The following MECOM variants were observed in gnomAD, a reference collection of about 807,000 sequenced individuals.
The protein encoded by MECOM is MDS1 and EVI1 complex locus.
A neutral mutation model predicts 116.3 loss-of-function variants in MECOM; 13 were observed. The ratio of observed to expected loss-of-function variants is 0.11; its 90% CI spans 0.07 to 0.18. The LOEUF is 0.18. Among genes scored for constraint, MECOM ranks in the 10% least tolerant of loss-of-function variants. The pLI is 1.00. For synonymous variants in MECOM, 528 were observed against 535.2 expected (o/e 0.99, Z 0.19); for missense variants, 1,299 against 1,509.0 (o/e 0.86, Z 2.31).
chr3:169,183,596 G>A (rs1225692930), intron 2 of MECOM, among the ~76,000 whole-genome samples: 4 of 151,982 alleles, frequency 2.6e-5, no homozygotes, highest in African/African-American at 4.8e-5. Flanking sequence ...AGGAGCCAGA[G>A]GTCATATGAA....
intron 2 of MECOM, among the ~76,000 whole-genome samples, chr3:169,258,263 A>G (rs911440976): frequency 6.6e-6 from 1 of 152,128 alleles, no homozygotes; most frequent in Non-Finnish European, 1.5e-5. Context: ...ATTCCAGAAA[A>G]TGTATGACAA....
chr3:169,554,843 A>C (rs79382647), intron 1 of MECOM, among the ~76,000 whole-genome samples: 1 of 151,996 alleles, frequency 6.6e-6, no homozygotes, highest in Admixed American at 6.6e-5. Context: ...AGGAGGTAAT[A>C]GGGGGTTGGG....
At chr3:169,643,956 T>C (rs1387014778) in intron 1 of MECOM, among the ~76,000 whole-genome samples, 2 of 152,148 alleles carry the variant, frequency 1.3e-5, no homozygotes, top group African/African-American at 4.8e-5. Context: ...AGCTAAGAAA[T>C]AGGTAAGCCA....
At chr3:169,163,897 T>A (rs1743199460) in intron 2 of MECOM, among the ~76,000 whole-genome samples, 2 of 152,250 alleles carry the variant, frequency 1.3e-5, no homozygotes, top group East Asian at 3.9e-4. Flanking sequence ...CTGGGGGTAT[T>A]TTCAAGACCA....
intron 7 of MECOM, 63 bp downstream of exon 7, chr3:169,120,993 G>T: frequency 6.5e-7 from 1 of 1,527,608 alleles, no homozygotes; most frequent in South Asian, 1.3e-5. Context: ...CACTCTCCTG[G>T]TCACAGTGCC....
At chr3:169,488,453 G>A (rs1266404778) in intron 1 of MECOM, among the ~76,000 whole-genome samples, 7 of 151,718 alleles carry the variant, frequency 4.6e-5, no homozygotes, top group African/African-American at 1.7e-4. Context: ...GGCTGAGGCA[G>A]GAGAATCACT....
intron 2 of MECOM, among the ~76,000 whole-genome samples, chr3:169,277,683 G>A (rs960938365): frequency 6.6e-6 from 1 of 152,148 alleles, no homozygotes. Flanking sequence ...TTTGAAGACA[G>A]GCAAGAGATC....
At chr3:169,142,041 A>G (rs1738258684) in intron 3 of MECOM, among the ~76,000 whole-genome samples, 1 of 151,996 alleles carries the variant, frequency 6.6e-6, no homozygotes, top group Admixed American at 6.5e-5. Context: ...TTCAAAAGCA[A>G]CTATGGTAAA....
At chr3:169,301,398 C>G (rs1471062320) in intron 2 of MECOM, among the ~76,000 whole-genome samples, 3 of 152,112 alleles carry the variant, frequency 2.0e-5, no homozygotes, top group African/African-American at 7.2e-5. Flanking sequence ...GAAAATATGT[C>G]TTTTATTTTT....
chr3:169,338,467 C>A (rs1175005693), intron 2 of MECOM, among the ~76,000 whole-genome samples: 1 of 152,124 alleles, frequency 6.6e-6, no homozygotes, highest in African/African-American at 2.4e-5. Flanking sequence ...AGGCACCTCA[C>A]AGAAACCCAC....
intron 1 of MECOM, among the ~76,000 whole-genome samples, chr3:169,444,055 A>T (rs1412158434): frequency 6.6e-6 from 1 of 152,222 alleles, no homozygotes; most frequent in Non-Finnish European, 1.5e-5. Flanking sequence ...CTGATAGCAG[A>T]TAACTTTGGA....
rs187558041 is a variant in MECOM at position 169,434,334 on chromosome 3, T to G, written c.38-52810A>C. Among the ~76,000 whole-genome samples the G allele has an allele frequency of 1.8e-4, 27 of 152,304 alleles. 1 individual carries two copies. The highest frequency in any genetic ancestry group is 1.8e-3 in the Admixed American group (27 of 15,286). ...AAACAAATTAGCTACTCTCCTTGGGTGCCTACCAGAAATAATAGTAACAAG... is the reference window on the plus strand; with the variant it reads ...AAACAAATTAGCTACTCTCCTTGGGGGCCTACCAGAAATAATAGTAACAAG... On this transcript the variant is annotated intron_variant, in intron 1 of 16. Coordinates refer to ENST00000651503, the MANE Select transcript of MECOM (RefSeq NM_004991.4).
chr3:169,418,782 CCAATATCATACTGA>C (rs774831441), intron 1 of MECOM, among the ~76,000 whole-genome samples: 17,428 of 152,038 alleles, frequency 0.11, 1,229 homozygotes, highest in East Asian at 0.3. Context: ...AAACCCACAG[CCAATATCATACTGA>C]ATTGGCAAAA....
chr3:169,335,451 T>C (rs1353428731), intron 2 of MECOM, among the ~76,000 whole-genome samples: 1 of 152,176 alleles, frequency 6.6e-6, no homozygotes, highest in Non-Finnish European at 1.5e-5. Context: ...TCCTTCAGCA[T>C]GTCAAAAATT....
chr3:169,237,728 A>G (rs1213667562), intron 2 of MECOM, among the ~76,000 whole-genome samples: 3 of 152,126 alleles, frequency 2.0e-5, no homozygotes, highest in Non-Finnish European at 4.4e-5. Context: ...TGAACACCAG[A>G]GCAAAAATCT....
At chr3:169,633,446 G>C (rs1044255247) in intron 1 of MECOM, among the ~76,000 whole-genome samples, 2 of 152,174 alleles carry the variant, frequency 1.3e-5, no homozygotes, top group Non-Finnish European at 2.9e-5. Flanking sequence ...TTAGAAGGAA[G>C]AAAAATGCTG....
chr3:169,595,795 G>A (rs775334033), intron 1 of MECOM, among the ~76,000 whole-genome samples: 12 of 152,178 alleles, frequency 7.9e-5, no homozygotes, highest in Non-Finnish European at 1.6e-4. Context: ...CGTATACTGT[G>A]GGGACTCCAT....
intron 1 of MECOM, among the ~76,000 whole-genome samples, chr3:169,468,213 C>T (rs1381140168): frequency 6.6e-6 from 1 of 151,990 alleles, no homozygotes; most frequent in African/African-American, 2.4e-5. Flanking sequence ...TGTAAATCTC[C>T]TTCCCATGCC....
chr3:169,120,464 T>C lies in MECOM; in HGVS notation c.1132+592A>G, dbSNP rs189800250. Among the ~76,000 whole-genome samples the C allele has an allele frequency of 1.1e-4, 17 of 152,300 alleles. No individual in the cohort carries two copies. In the East Asian group the frequency reaches 2.9e-3, roughly 26 times the overall value. On this transcript the variant is annotated intron_variant, in intron 7 of 16. Transcript: ENST00000651503. ...GGTGCAGTGGGTAAGAGAAACAGCA[T>C]GTCCAGCATCTAAGTGAAAATGTTC...
Sources: gnomAD v4.1 joint callset for allele counts (sites outside exome capture counted in the v4.1 genomes callset) on GRCh38, gnomAD v4.1.1 for gene constraint, MANE v1.5 for transcripts, NCBI Gene and HGNC (gene_info 2026-07-23, HGNC 2026-07-21) for gene names.